NAA25: variants seen among roughly 807,000 people sequenced by gnomAD.
NAA25 encodes N-alpha-acetyltransferase 25, NatB auxiliary subunit, also known as N-terminal acetyltransferase B complex subunit NAA25.
A neutral mutation model predicts 132.5 loss-of-function variants in NAA25; 30 were observed. The observed-to-expected ratio is 0.23, with a 90% CI of 0.17 to 0.31. NAA25 has a LOEUF of 0.31. NAA25 is among the 10% of genes least tolerant of loss of function. NAA25 has a pLI of 1.00. For missense variants in NAA25, 771 were observed against 1,150.4 expected (o/e 0.67, Z 4.77); for synonymous variants, 359 against 401.9 (o/e 0.89, Z 1.28).
chr12:112,102,763 T>G (rs1157855626), intron 1 of NAA25, among the ~76,000 whole-genome samples: 1 of 138,902 alleles, frequency 7.2e-6, no homozygotes, highest in Non-Finnish European at 1.5e-5. Context: ...CTCGGCTCAC[T>G]GCAACCTCCG....
At chr12:112,052,940 G>A (rs776791934) in intron 15 of NAA25, among the ~76,000 whole-genome samples, 13 of 152,206 alleles carry the variant, frequency 8.5e-5, no homozygotes, top group Non-Finnish European at 1.2e-4. Context: ...CAGACCGTAT[G>A]GTTTTCCTAC....
rs2078104449 is a variant in NAA25 at position 112,027,924 on chromosome 12, A to ATGGG, written c.*1606_*1607insCCCA. 1 of 152,214 alleles carries ATGGG rather than the reference A, an allele frequency of 6.6e-6. No individual in the cohort carries two copies. Among genetic ancestry groups the ATGGG allele is most frequent in the East Asian group, 1.9e-4 (1 of 5,202 alleles). 9.4% of individuals were successfully genotyped at this position (152,214 alleles called of 1,614,324 possible). A position where few individuals can be genotyped will look rare whatever the true frequency, so the allele number is the denominator to read the frequency against. Reference sequence around the variant, plus strand: ...GGTATATGACCAGCTGTTGCTACTCATATCAAAAATAAATTTTTGAAATTA... The same window carrying ATGGG: ...GGTATATGACCAGCTGTTGCTACTCATGGGTATCAAAAATAAATTTTTGAAATTA... On this transcript the variant is annotated 3_prime_UTR_variant, in exon 24 of 24. Coordinates refer to ENST00000261745, the MANE Select transcript of NAA25 (RefSeq NM_024953.4).
rs750547796 is a variant in NAA25 at position 112,078,602 on chromosome 12, GA to G, written c.585+31del. On this transcript the variant is annotated intron_variant, in intron 6 of 23. Transcript: ENST00000261745. ...AATATTGTAGCACTAGCAAAAAAAT[GA>G]AAACACAAAAGTAAGGCTTAAAATA... 7 of 1,566,742 alleles carry G rather than the reference GA, an allele frequency of 4.5e-6. No individual in the cohort carries two copies. In the African/African-American group the frequency reaches 9.5e-5, roughly 21 times the overall value.
At chr12:112,108,189 C>T (rs1429108084) in intron 1 of NAA25, among the ~76,000 whole-genome samples, 1 of 152,212 alleles carries the variant, frequency 6.6e-6, no homozygotes, top group African/African-American at 2.4e-5. Flanking sequence ...CGGGCCTGCT[C>T]CTGACTCGAT....
At chr12:112,053,298 G>A (rs752379707) in intron 15 of NAA25, among the ~76,000 whole-genome samples, 1 of 152,126 alleles carries the variant, frequency 6.6e-6, no homozygotes, top group African/African-American at 2.4e-5. Flanking sequence ...AGGTCTAAGA[G>A]GACTAACACT....
At chr12:112,034,271 G>C (rs2078192069) in intron 22 of NAA25, 1 of 152,350 alleles carries the variant, frequency 6.6e-6, no homozygotes, top group Non-Finnish European at 1.5e-5. Context: ...GCTGAGGCGG[G>C]TGGATCACTT....
intron 7 of NAA25, among the ~76,000 whole-genome samples, 173 bp from the exon 8 acceptor site, chr12:112,075,962 A>C (rs2078890682): frequency 6.6e-6 from 1 of 152,072 alleles, no homozygotes; most frequent in Non-Finnish European, 1.5e-5. Flanking sequence ...GGCTCACTGC[A>C]ACCTCCACCT....
chr12:112,050,545 C>G (rs955465466), intron 15 of NAA25, among the ~76,000 whole-genome samples: 2 of 150,430 alleles, frequency 1.3e-5, no homozygotes, highest in Non-Finnish European at 3.0e-5. Flanking sequence ...GAGTCTCACT[C>G]TGTCATCCAA....
intron 11 of NAA25, among the ~76,000 whole-genome samples, chr12:112,065,220 G>A (rs2078698390): frequency 6.6e-6 from 1 of 150,582 alleles, no homozygotes; most frequent in Admixed American, 6.6e-5. Flanking sequence ...AATTAGGCTG[G>A]GCACAGTGGC....
rs1406851520 is a variant in NAA25, at chr12:112,029,030, T to C, written c.*501A>G. On this transcript the variant is annotated 3_prime_UTR_variant, in exon 24 of 24. Transcript: ENST00000261745. ...TGCCTTGGGTTCTGTGGGAGCCAAG[T>C]AGCTGAGAAAGCCTCAAAACAAACT... 1.3e-5 allele frequency: 2 copies of C among 156,916 alleles called. No homozygotes were observed. The highest frequency in any genetic ancestry group is 2.8e-5 in the Non-Finnish European group (2 of 70,764). 9.7% of individuals were successfully genotyped at this position (156,916 alleles called of 1,614,324 possible).
intron 4 of NAA25, among the ~76,000 whole-genome samples, chr12:112,086,829 T>C (rs183457626): frequency 1.4e-3 from 208 of 151,958 alleles, no homozygotes; most frequent in Middle Eastern, 3.4e-3. Flanking sequence ...CTGACCAACA[T>C]GGAGAAACCC....
At chr12:112,107,092 T>G (rs2079373530) in intron 1 of NAA25, among the ~76,000 whole-genome samples, 1 of 151,008 alleles carries the variant, frequency 6.6e-6, no homozygotes, top group African/African-American at 2.4e-5. Flanking sequence ...AACTCCTGTC[T>G]CTACTAAAAA....
chr12:112,044,916 G>A (rs2078356968), intron 17 of NAA25, among the ~76,000 whole-genome samples: 1 of 151,620 alleles, frequency 6.6e-6, no homozygotes, highest in African/African-American at 2.4e-5. Flanking sequence ...GGCTGGACGT[G>A]GTGGCACACA....
At chr12:112,095,594 C>T (rs1056480330) in intron 1 of NAA25, among the ~76,000 whole-genome samples, 1 of 51,668 alleles carries the variant, frequency 1.9e-5, no homozygotes, top group Admixed American at 2.3e-4. Flanking sequence ...GACCTTGTCT[C>T]AAAAAAAAAA....
intron 1 of NAA25, among the ~76,000 whole-genome samples, chr12:112,101,020 C>T (rs1290038740): frequency 6.6e-6 from 1 of 152,172 alleles, no homozygotes; most frequent in Non-Finnish European, 1.5e-5. Flanking sequence ...CTCATTTCTT[C>T]ATTCCAACTG....
chr12:112,041,030 AC>A (rs1327856481), intron 20 of NAA25, among the ~76,000 whole-genome samples: 4 of 151,928 alleles, frequency 2.6e-5, no homozygotes, highest in Admixed American at 6.6e-5. Flanking sequence ...AAAATATAAG[AC>A]CGAGCCACGC....
intron 17 of NAA25, among the ~76,000 whole-genome samples, chr12:112,044,789 C>A (rs1335855922): frequency 6.6e-6 from 1 of 151,820 alleles, no homozygotes; most frequent in Non-Finnish European, 1.5e-5. Context: ...CACCTGTAAT[C>A]CCAGCACTTT....
chr12:112,061,153 C>G, intron 12 of NAA25, 28 bp downstream of exon 12: 1 of 1,472,784 alleles, frequency 6.8e-7, no homozygotes, highest in South Asian at 1.4e-5. Flanking sequence ...GATCAGGGAA[C>G]TACTGCACAT....
At chr12:112,030,983 G>A (rs545441967) in intron 23 of NAA25, among the ~76,000 whole-genome samples, 78 of 150,600 alleles carry the variant, frequency 5.2e-4, no homozygotes, top group African/African-American at 1.9e-3. Context: ...CTCACTAAGT[G>A]ACCCAGGCTG....
Sources: allele counts gnomAD v4.1 joint callset (sites outside exome capture counted in the v4.1 genomes callset), GRCh38; gene constraint gnomAD v4.1.1; transcripts MANE v1.5; gene names NCBI Gene and HGNC (gene_info 2026-07-23, HGNC 2026-07-21).